The following NAV3 variants were observed in gnomAD, a reference collection of about 807,000 sequenced individuals.
NAV3 encodes pore membrane and/or filament interacting like protein 1.
Under a neutral mutation model 244.7 loss-of-function variants are expected in NAV3, and 87 were observed. That is an observed-to-expected ratio of 0.36 (90% CI 0.30 to 0.42). NAV3 has a LOEUF of 0.42. Among genes scored for constraint, NAV3 ranks in the 20% least tolerant of loss-of-function variants. NAV3 has a pLI of 1.00. For synonymous variants in NAV3, 1,126 were observed against 1,042.2 expected, an observed-to-expected ratio of 1.08 and a Z score of -1.55; for missense variants, 2,663 against 2,893.3, an observed-to-expected ratio of 0.92 and a Z score of 1.83.
chr12:77,751,307 C>T (rs1868842360), intron 2 of NAV3, among the ~76,000 whole-genome samples: 2 of 152,162 alleles, frequency 1.3e-5, no homozygotes, highest in South Asian at 4.1e-4. Flanking sequence ...TTTTTCTCCT[C>T]AAATCCAGTA....
chr12:78,136,381 A>G (rs1227874966), intron 18 of NAV3, among the ~76,000 whole-genome samples: 1 of 152,210 alleles, frequency 6.6e-6, no homozygotes, highest in Non-Finnish European at 1.5e-5. Context: ...TTGTACATAC[A>G]ATCAACCAAA....
At chr12:77,618,181 G>A (rs1871217006) in intron 2 of NAV3, among the ~76,000 whole-genome samples, 1 of 152,164 alleles carries the variant, frequency 6.6e-6, no homozygotes, top group African/African-American at 2.4e-5. Context: ...TGTAACCTCA[G>A]CTGACATCTT....
intron 12 of NAV3, among the ~76,000 whole-genome samples, chr12:78,071,773 C>A (rs983264638): frequency 2.0e-5 from 3 of 152,068 alleles, no homozygotes; most frequent in African/African-American, 7.2e-5. Flanking sequence ...TGTCAAAGAT[C>A]AGATAGTTGT....
chr12:77,663,421 G>C (rs711132), intron 2 of NAV3, among the ~76,000 whole-genome samples: 18,766 of 151,284 alleles, frequency 0.12, 2,160 homozygotes, highest in African/African-American at 0.3. Flanking sequence ...ATTCACAAAA[G>C]AAACATACAA....
intron 16 of NAV3, among the ~76,000 whole-genome samples, chr12:78,122,834 T>G (rs1171613552): frequency 2.0e-5 from 3 of 151,858 alleles, no homozygotes; most frequent in African/African-American, 7.3e-5. Context: ...CAGAGCAATA[T>G]GTTAAATTTG....
intron 2 of NAV3, among the ~76,000 whole-genome samples, chr12:77,670,589 A>G (rs568270297): frequency 3.0e-4 from 46 of 152,318 alleles, no homozygotes; most frequent in South Asian, 1.7e-3. Context: ...ATAATCCACC[A>G]TGATCAACTG....
intron 22 of NAV3, among the ~76,000 whole-genome samples, chr12:78,157,346 T>C (rs1957346284): frequency 6.7e-6 from 1 of 149,044 alleles, no homozygotes; most frequent in African/African-American, 2.5e-5. Flanking sequence ...GGCTAGGAGT[T>C]GGAGAGTAAC....
At chr12:77,749,330 T>C (rs774522727) in intron 2 of NAV3, among the ~76,000 whole-genome samples, 3 of 152,254 alleles carry the variant, frequency 2.0e-5, no homozygotes, top group Non-Finnish European at 4.4e-5. Flanking sequence ...TCAAACCTAG[T>C]AGGGTTCAGC....
In NAV3 at chr12:77,591,743, T is replaced by C. The variant is rs77270375; in HGVS notation, c.72+19477T>C. Among the ~76,000 whole-genome samples the C allele has an allele frequency of 2.1e-4, 32 of 152,330 alleles. No individual in the cohort carries two copies. The East Asian group carries it at 5.0e-3, about 24-fold the overall frequency. ...ATATAAAGATGTATGCCCATGTATTTATATTAAGATTGAATTTATGTATGT... is the reference window on the plus strand; with the variant it reads ...ATATAAAGATGTATGCCCATGTATTCATATTAAGATTGAATTTATGTATGT... On this transcript the variant is annotated intron_variant, in intron 2 of 8. Transcript: ENST00000550042.
chr12:77,832,330 G>C (rs1365022029), intron 1 of NAV3, among the ~76,000 whole-genome samples: 2 of 152,072 alleles, frequency 1.3e-5, no homozygotes, highest in East Asian at 3.9e-4. Context: ...GTGAGTAGTT[G>C]CTCATAGCCC....
At position 78,084,452 on chromosome 12, in the gene NAV3, A is replaced by AT. The variant is rs527777752; in HGVS notation, c.2636+25346dup. 1.2e-3 allele frequency among the ~76,000 whole-genome samples: 179 copies of AT among 151,362 alleles called. 2 individuals carry two copies. In the South Asian group the frequency reaches 0.023, roughly 19 times the overall value. On this transcript the variant is annotated intron_variant, in intron 12 of 39. Coordinates refer to ENST00000397909, the MANE Select transcript of NAV3 (RefSeq NM_001024383.2). ...ATTTCTAAACTGTCCTGTATCACCA[A>AT]TTTTTTTTTGTCTTTACTATATCAT...
intron 39 of NAV3, 34 bp from the exon 40 acceptor site, chr12:78,210,364 A>T (rs1370177735): frequency 2.5e-6 from 4 of 1,612,702 alleles, no homozygotes; most frequent in African/African-American, 2.7e-5. Context: ...TCAATGCATC[A>T]TTGCCTACAT....
intron 2 of NAV3, among the ~76,000 whole-genome samples, chr12:77,573,665 A>G (rs1868939425): frequency 6.6e-6 from 1 of 152,186 alleles, no homozygotes. Context: ...CCATTTAATC[A>G]TCTTTTCCTA....
At chr12:78,160,337 G>A (rs1183389198) in intron 23 of NAV3, among the ~76,000 whole-genome samples, 1 of 150,304 alleles carries the variant, frequency 6.7e-6, no homozygotes, top group Non-Finnish European at 1.5e-5. Flanking sequence ...AACTTCCTTG[G>A]ATAGGTATCA....
intron 1 of NAV3, among the ~76,000 whole-genome samples, chr12:77,862,513 A>C (rs1272650645): frequency 6.6e-6 from 1 of 151,780 alleles, no homozygotes; most frequent in East Asian, 1.9e-4. Flanking sequence ...GAATAATTTG[A>C]AAGTGTTTAT....
At chr12:78,121,528 A>G (rs1171610870) in intron 15 of NAV3, among the ~76,000 whole-genome samples, 1 of 152,186 alleles carries the variant, frequency 6.6e-6, no homozygotes, top group African/African-American at 2.4e-5. Context: ...ATAAAAAAAA[A>G]AGAGAAGAGC....
At chr12:77,801,011 A>G (rs750416702) in intron 2 of NAV3, among the ~76,000 whole-genome samples, 2 of 152,112 alleles carry the variant, frequency 1.3e-5, no homozygotes, top group Non-Finnish European at 2.9e-5. Context: ...ACTGATATCT[A>G]TTTCTTTGAT....
rs1179468681 is a variant in NAV3, at chr12:77,998,462, A to T, written c.866A>T (p.Asn289Ile). ...AAAAACAAGCCTCCAAATTATGCAAATGGAAACGAAAAAGGTAAGTGTTTG... is the reference window on the plus strand; with the variant it reads ...AAAAACAAGCCTCCAAATTATGCAATTGGAAACGAAAAAGGTAAGTGTTTG... ...IDKNKPPNYA[N>I]GNEKDSSKGP... Residue 289 changes from asparagine to isoleucine, a missense_variant, in exon 7 of 40, where the codon AAT becomes ATT. Physicochemically the swap from Asn to Ile is moderately radical, Grantham distance 149. Coordinates refer to ENST00000397909, the MANE Select transcript of NAV3 (RefSeq NM_001024383.2). 1.9e-6 allele frequency: 3 copies of T among 1,604,196 alleles called. No homozygotes were observed. Among genetic ancestry groups the T allele is most frequent in the African/African-American group, 2.7e-5 (2 of 74,194 alleles).
chr12:77,914,210 G>T (rs750310082), intron 1 of NAV3, among the ~76,000 whole-genome samples: 1 of 152,030 alleles, frequency 6.6e-6, no homozygotes, highest in African/African-American at 2.4e-5. Context: ...AATCTCTTTT[G>T]CAGACTAATA....
Sources: gnomAD v4.1 joint callset for allele counts (sites outside exome capture counted in the v4.1 genomes callset) on GRCh38, gnomAD v4.1.1 for gene constraint, MANE v1.5 for transcripts, NCBI Gene and HGNC (gene_info 2026-07-23, HGNC 2026-07-21) for gene names.